The following AGO3 variants were observed in gnomAD, a reference collection of about 807,000 sequenced individuals.
AGO3 encodes argonaute RISC catalytic component 3.
Under a neutral mutation model 105.5 loss-of-function variants are expected in AGO3, and 16 were observed. The observed-to-expected ratio is 0.15, with a 90% CI of 0.10 to 0.23. The LOEUF is 0.23. Among genes scored for constraint, AGO3 ranks in the 10% least tolerant of loss-of-function variants. The pLI, the probability that AGO3 is intolerant of heterozygous loss-of-function variation, is 1.00. For synonymous variants in AGO3, 340 were observed against 367.3 expected (o/e 0.93, Z 0.85); for missense variants, 534 against 1,088.0 (o/e 0.49, Z 7.16).
intron 3 of AGO3, among the ~76,000 whole-genome samples, chr1:35,971,456 G>A (rs1364325979): frequency 6.6e-6 from 1 of 151,180 alleles, no homozygotes; most frequent in Non-Finnish European, 1.5e-5. Context: ...ACTGCGCCTG[G>A]CCTTTTTTTT....
chr1:36,037,320 A>C (rs2148846499), intron 14 of AGO3, among the ~76,000 whole-genome samples: 1 of 152,178 alleles, frequency 6.6e-6, no homozygotes, highest in Admixed American at 6.5e-5. Context: ...TCAGGAGTTC[A>C]AGACCAGCCT....
chr1:35,998,394 A>T (rs1639938892), intron 5 of AGO3, among the ~76,000 whole-genome samples: 1 of 152,182 alleles, frequency 6.6e-6, no homozygotes, highest in Non-Finnish European at 1.5e-5. Context: ...CCTTTTGGAG[A>T]CAGGGAATTT....
upstream of AGO3, chr1:35,930,736 AC>A (rs1646022861): frequency 6.5e-6 from 1 of 154,344 alleles, no homozygotes; most frequent in African/African-American, 2.4e-5. Context: ...GGGTGGCCCT[AC>A]CCCAGCGGGC....
intron 11 of AGO3, among the ~76,000 whole-genome samples, chr1:36,024,484 G>A (rs537790220): frequency 3.0e-4 from 46 of 152,028 alleles, no homozygotes; most frequent in South Asian, 6.2e-4. Flanking sequence ...TTTAGTTTAC[G>A]TTTTCTGGCT....
At position 36,068,604 on chromosome 1, in the gene AGO3, T is replaced by G. The variant is rs1643123675; in HGVS notation, c.*12859T>G. The G allele has an allele frequency of 6.6e-6, 1 of 152,234 alleles. No homozygotes were observed. The highest frequency in any genetic ancestry group is 1.5e-5 in the Non-Finnish European group (1 of 68,046). The allele number at this position is 152,234 out of a possible 1,614,324, so 9.4% of individuals were successfully genotyped here. ...TAAAGAAAATTAATATAGCTTATGG[T>G]TTTGATAAATTGGACTCTGATTTAA... On this transcript the variant is annotated 3_prime_UTR_variant, in exon 19 of 19. Coordinates refer to ENST00000373191, the MANE Select transcript of AGO3 (RefSeq NM_024852.4).
intron 5 of AGO3, among the ~76,000 whole-genome samples, chr1:35,986,995 C>CAA (rs56230663): frequency 1.7e-4 from 19 of 115,044 alleles, no homozygotes; most frequent in Middle Eastern, 4.5e-3. Flanking sequence ...GACTCCGTCT[C>CAA]AAAAAAAAAA....
chr1:35,945,556 T>A, intron 1 of AGO3, 136 bp from the exon 2 acceptor site: 1 of 837,240 alleles, frequency 1.2e-6, no homozygotes, highest in Non-Finnish European at 1.9e-6. Flanking sequence ...GTTGAAGTGT[T>A]AGAAATGATG....
At chr1:35,961,565 TTTC>T (rs1646677403) in intron 2 of AGO3, among the ~76,000 whole-genome samples, 1 of 152,210 alleles carries the variant, frequency 6.6e-6, no homozygotes, top group African/African-American at 2.4e-5. Context: ...TCTTTGAGTT[TTTC>T]CTATTCCAGA....
At chr1:36,009,261 T>C (rs1640479042) in intron 8 of AGO3, 2 of 818,334 alleles carry the variant, frequency 2.4e-6, no homozygotes, top group Non-Finnish European at 3.6e-6. Context: ...TTTGGTATAC[T>C]ATACTTCTTT....
chr1:35,941,287 A>G (rs748210072), intron 1 of AGO3, among the ~76,000 whole-genome samples: 5 of 151,436 alleles, frequency 3.3e-5, no homozygotes, highest in African/African-American at 4.8e-5. Flanking sequence ...CCCTAACTGT[A>G]CTACTGTAGT....
At chr1:35,977,864 C>CA (rs1646981038) in intron 5 of AGO3, among the ~76,000 whole-genome samples, 2 of 151,236 alleles carry the variant, frequency 1.3e-5, no homozygotes, top group Admixed American at 6.6e-5. Flanking sequence ...TACTTCTTAT[C>CA]AAAAAACTAA....
chr1:35,972,295 T>G (rs1184251918), intron 4 of AGO3, 63 bp downstream of exon 4: 12 of 1,527,724 alleles, frequency 7.9e-6, no homozygotes, highest in Non-Finnish European at 1.1e-5. Flanking sequence ...TGTGCAGGCT[T>G]CCCTTGGTTA....
Position 35,945,854 on chromosome 1 carries a change from G to C in AGO3, c.182G>C (p.Arg61Thr). The C allele has an allele frequency of 1.2e-6, 2 of 1,613,004 alleles. No homozygotes were observed. Among genetic ancestry groups the C allele is most frequent in the Non-Finnish European group, 1.7e-6 (2 of 1,179,610 alleles). ...VDIKPDKCPR[R>T]VNREVVDSMV... ...ATTAAACCAGACAAGTGTCCTAGGA[G>C]AGTGAACAGGTAAGAATCATGAAAC... Residue 61 changes from arginine to threonine, a missense_variant, in exon 2 of 19, where the codon AGA becomes ACA. Coordinates refer to ENST00000373191, the MANE Select transcript of AGO3 (RefSeq NM_024852.4).
rs1640492054 is a variant in AGO3 at position 36,009,507 on chromosome 1, C to A, written c.1062C>A (p.Ile354=). ...VCNIVAGQRC[I]KKLTDNQTST... is the part of the protein sequence containing the mutation. ...ATATTGTGGCAGGGCAACGATGTAT[C>A]AAGAAGCTAACAGACAATCAGACTT... is the stretch of plus-strand genomic sequence containing the variant. Residue 354 remains isoleucine, a synonymous_variant, in exon 9 of 19, where the codon ATC becomes ATA. Coordinates refer to ENST00000373191, the MANE Select transcript of AGO3 (RefSeq NM_024852.4). 6.2e-7 allele frequency: 1 copy of A among 1,613,618 alleles called. No individual in the cohort carries two copies. Among genetic ancestry groups the A allele is most frequent in the African/African-American group, 1.3e-5 (1 of 74,884 alleles).
At chr1:36,014,253 G>A (rs536318919) in intron 11 of AGO3, among the ~76,000 whole-genome samples, 5 of 151,778 alleles carry the variant, frequency 3.3e-5, no homozygotes, top group African/African-American at 9.7e-5. Flanking sequence ...CCACCTCCCA[G>A]GCTCAAGCAA....
At chr1:36,001,453 A>C (rs1569714659) in intron 5 of AGO3, among the ~76,000 whole-genome samples, 1 of 152,306 alleles carries the variant, frequency 6.6e-6, no homozygotes, top group South Asian at 2.1e-4. Context: ...AGAAGGAATG[A>C]TATAGTTTCA....
At chr1:36,035,181 G>T (rs1641947846) in intron 13 of AGO3, among the ~76,000 whole-genome samples, 1 of 152,042 alleles carries the variant, frequency 6.6e-6, no homozygotes, top group Non-Finnish European at 1.5e-5. Flanking sequence ...ATCCGTAAAT[G>T]AGATAAATAA....
intron 5 of AGO3, among the ~76,000 whole-genome samples, chr1:35,999,864 A>C (rs149330711): frequency 1.5e-4 from 23 of 151,824 alleles, no homozygotes; most frequent in African/African-American, 5.6e-4. Flanking sequence ...TTGCTTTGCT[A>C]TGCTAGCTAG....
At chr1:35,947,530 T>C (rs1238403440) in intron 2 of AGO3, among the ~76,000 whole-genome samples, 3 of 152,178 alleles carry the variant, frequency 2.0e-5, no homozygotes, top group Non-Finnish European at 4.4e-5. Context: ...TTTTATCATC[T>C]TTGTCACCCC....
Sources: allele counts gnomAD v4.1 joint callset (sites outside exome capture counted in the v4.1 genomes callset), GRCh38; gene constraint gnomAD v4.1.1; transcripts MANE v1.5; gene names NCBI Gene and HGNC (gene_info 2026-07-23, HGNC 2026-07-21).